ANO4: variants seen among roughly 807,000 people sequenced by gnomAD.
ANO4 encodes anoctamin 4.
Under a neutral mutation model 141.9 loss-of-function variants are expected in ANO4, and 69 were observed. The observed-to-expected ratio is 0.49, with a 90% CI of 0.40 to 0.59. The LOEUF (loss-of-function observed/expected upper bound fraction) is 0.59, where lower values mean the gene tolerates loss of function less well. Ranked by LOEUF, ANO4 falls within the 20% of genes least tolerant of loss-of-function variation. ANO4 has a pLI of 0.00. For synonymous variants in ANO4, 350 were observed against 394.3 expected, an observed-to-expected ratio of 0.89 and a Z score of 1.33; for missense variants, 894 against 1,162.2, an observed-to-expected ratio of 0.77 and a Z score of 3.36.
intron 5 of ANO4, among the ~76,000 whole-genome samples, chr12:100,965,815 T>C (rs1481595551): frequency 6.6e-6 from 1 of 152,054 alleles, no homozygotes; most frequent in Non-Finnish European, 1.5e-5. Context: ...TCCAGTTCTT[T>C]TCTGCCACAG....
Position 101,042,418 on chromosome 12 carries a change from ATTGT to A in ANO4, c.1109_1112del (p.Phe370SerfsTer37), listed in dbSNP as rs774142039. 6.2e-7 allele frequency: 1 copy of A among 1,613,846 alleles called. No individual in the cohort carries two copies. The highest frequency in any genetic ancestry group is 1.7e-5 in the Admixed American group (1 of 59,988). On this transcript the variant is annotated frameshift_variant, in exon 12 of 28. Transcript: ENST00000392977. LOFTEE classifies it high-confidence loss of function. ...TGCTCTTCCCAGCTGCCTTCATTGG[ATTGT>A]TTGTCTTTTTGTATGGCGTCACCAC...
chr12:100,939,557 C>A (rs750614271), intron 4 of ANO4, 106 bp downstream of exon 4: 4 of 1,247,164 alleles, frequency 3.2e-6, no homozygotes, highest in Non-Finnish European at 4.3e-6. Flanking sequence ...GAACTGTAGG[C>A]TCTTGTAAAA....
intron 1 of ANO4, among the ~76,000 whole-genome samples, chr12:100,822,085 C>A (rs1362706127): frequency 6.6e-6 from 1 of 151,940 alleles, no homozygotes; most frequent in South Asian, 2.1e-4. Flanking sequence ...TCTTACTTTA[C>A]TCTTGGACAG....
At chr12:100,939,288 C>A in intron 3 of ANO4, 27 bp from the exon 4 acceptor site, 1 of 1,602,960 alleles carries the variant, frequency 6.2e-7, no homozygotes. Flanking sequence ...TTTTACCCAC[C>A]TTATAATGTA....
intron 1 of ANO4, among the ~76,000 whole-genome samples, chr12:100,889,983 C>T (rs2135986109): frequency 6.6e-6 from 1 of 152,076 alleles, no homozygotes; most frequent in East Asian, 1.9e-4. Context: ...ATCAGTGGAC[C>T]ATAATATATT....
chr12:100,937,000 A>G (rs987775942), intron 3 of ANO4, among the ~76,000 whole-genome samples: 2 of 152,228 alleles, frequency 1.3e-5, no homozygotes, highest in Admixed American at 6.5e-5. Flanking sequence ...TATCATCAAC[A>G]TCGACTTGAA....
At chr12:101,038,480 A>C (rs537848016) in intron 10 of ANO4, 25 of 152,294 alleles carry the variant, frequency 1.6e-4, no homozygotes, top group African/African-American at 5.5e-4. Flanking sequence ...CATGCCTTTC[A>C]CAATGACTTT....
At chr12:101,048,508 A>G in intron 14 of ANO4, 107 bp downstream of exon 14, 2 of 993,188 alleles carry the variant, frequency 2.0e-6, no homozygotes, top group Non-Finnish European at 3.0e-6. Flanking sequence ...GAGTAAATGG[A>G]ATTAGCTTTC....
intron 1 of ANO4, among the ~76,000 whole-genome samples, chr12:100,801,970 G>A (rs1038612573): frequency 1.3e-5 from 2 of 152,136 alleles, no homozygotes; most frequent in Non-Finnish European, 2.9e-5. Flanking sequence ...GAGCAGTTGC[G>A]CAGTACATAA....
chr12:100,899,037 G>A (rs894861782), intron 1 of ANO4, among the ~76,000 whole-genome samples: 6 of 152,224 alleles, frequency 3.9e-5, no homozygotes, highest in African/African-American at 7.2e-5. Flanking sequence ...GATGATGCAT[G>A]TGTGGTTGAT....
intron 6 of ANO4, among the ~76,000 whole-genome samples, chr12:100,974,277 GC>G (rs2044060528): frequency 6.6e-6 from 1 of 152,112 alleles, no homozygotes; most frequent in Admixed American, 6.6e-5. Flanking sequence ...TAGCCAGTGT[GC>G]CCCGGTGTGG....
At chr12:100,764,443 C>T (rs7961686) in intron 3 of ANO4, among the ~76,000 whole-genome samples, 16,737 of 152,186 alleles carry the variant, frequency 0.11, 1,072 homozygotes, top group South Asian at 0.21. Context: ...CATCTCAGGA[C>T]ATTTCTTTTT....
At chr12:100,939,133 G>C (rs1057415731) in intron 3 of ANO4, among the ~76,000 whole-genome samples, 182 bp from the exon 4 acceptor site, 7 of 152,094 alleles carry the variant, frequency 4.6e-5, no homozygotes, top group Admixed American at 1.3e-4. Context: ...TGAATACACT[G>C]TTTGGTCAAA....
intron 1 of ANO4, among the ~76,000 whole-genome samples, chr12:100,870,016 C>A (rs1477173784): frequency 4.6e-5 from 7 of 152,188 alleles, no homozygotes; most frequent in Non-Finnish European, 1.0e-4. Context: ...CATGATCAAT[C>A]TAATCCTGGA....
chr12:100,725,362 T>TTA, intron 1 of ANO4, among the ~76,000 whole-genome samples: 1 of 149,072 alleles, frequency 6.7e-6, no homozygotes, highest in South Asian at 2.1e-4. Flanking sequence ...TTTTTTTTTT[T>TTA]TTGAGACGGA....
chr12:100,973,019 A>G (rs1022043467), intron 6 of ANO4, among the ~76,000 whole-genome samples: 2 of 152,284 alleles, frequency 1.3e-5, no homozygotes, highest in Non-Finnish European at 2.9e-5. Flanking sequence ...TTAATGCAGC[A>G]TTGAGAGAAT....
At chr12:101,075,228 C>T (rs2048974934) in intron 14 of ANO4, among the ~76,000 whole-genome samples, 1 of 152,150 alleles carries the variant, frequency 6.6e-6, no homozygotes, top group Admixed American at 6.6e-5. Context: ...AAGTATAAAA[C>T]AGCTCATGTG....
chr12:100,982,342 A>G (rs1671374833), intron 7 of ANO4, among the ~76,000 whole-genome samples: 1 of 152,192 alleles, frequency 6.6e-6, no homozygotes. Flanking sequence ...TAAAGTCTAT[A>G]CTAAAGTCCA....
At chr12:100,781,066 C>T (rs911621475) in intron 3 of ANO4, among the ~76,000 whole-genome samples, 13 of 151,960 alleles carry the variant, frequency 8.6e-5, no homozygotes, top group Admixed American at 7.2e-4. Flanking sequence ...TTAAACATTC[C>T]GATTTTGTAA....
Sources: gnomAD v4.1 joint callset for allele counts (sites outside exome capture counted in the v4.1 genomes callset) on GRCh38, gnomAD v4.1.1 for gene constraint, MANE v1.5 for transcripts, NCBI Gene and HGNC (gene_info 2026-07-23, HGNC 2026-07-21) for gene names.